PAQR5: variants seen among roughly 807,000 people sequenced by gnomAD.
The protein encoded by PAQR5 is membrane progestin receptor gamma.
In PAQR5, 20 loss-of-function variants were observed where a neutral mutation model predicts 34.5. The ratio of observed to expected loss-of-function variants is 0.58; its 90% CI spans 0.41 to 0.84. The LOEUF (loss-of-function observed/expected upper bound fraction) is 0.84. PAQR5 is among the 40% of genes least tolerant of loss of function. PAQR5 has a pLI of 0.00. For synonymous variants in PAQR5, 131 were observed against 155.6 expected (o/e 0.84, Z 1.18); for missense variants, 378 against 412.7 (o/e 0.92, Z 0.73).
intron 3 of PAQR5, among the ~76,000 whole-genome samples, chr15:69,366,929 T>C (rs1467147041): frequency 3.3e-5 from 5 of 152,170 alleles, no homozygotes; most frequent in Non-Finnish European, 7.3e-5. Context: ...TATGATTTTG[T>C]AGTGATTATC....
intron 1 of PAQR5, among the ~76,000 whole-genome samples, chr15:69,308,232 T>C (rs1159474033): frequency 6.6e-6 from 1 of 152,170 alleles, no homozygotes; most frequent in Non-Finnish European, 1.5e-5. Flanking sequence ...GCTGCATGCT[T>C]GGTTTGGGCA....
chr15:69,311,684 T>G (rs144935013), intron 1 of PAQR5, among the ~76,000 whole-genome samples: 313 of 152,294 alleles, frequency 2.1e-3, no homozygotes, highest in African/African-American at 7.1e-3. Context: ...CAACCTGCCC[T>G]GCTGTGCTTT....
chr15:69,334,831 G>A (rs2054474005), intron 1 of PAQR5, among the ~76,000 whole-genome samples: 1 of 152,190 alleles, frequency 6.6e-6, no homozygotes, highest in Non-Finnish European at 1.5e-5. Context: ...ACCCAAAAGA[G>A]TAATGGAACA....
chr15:69,396,360 C>T (rs2056433168), intron 6 of PAQR5, among the ~76,000 whole-genome samples: 2 of 151,960 alleles, frequency 1.3e-5, no homozygotes, highest in Non-Finnish European at 2.9e-5. Flanking sequence ...ACACAGACCC[C>T]ATCCCTCCAG....
intron 2 of PAQR5, among the ~76,000 whole-genome samples, chr15:69,356,074 C>G (rs574770105): frequency 1.3e-5 from 2 of 152,188 alleles, no homozygotes; most frequent in African/African-American, 4.8e-5. Context: ...ATATGGTCAT[C>G]CTACCTAAAT....
intron 3 of PAQR5, among the ~76,000 whole-genome samples, chr15:69,371,696 A>G (rs758396790): frequency 2.4e-4 from 37 of 152,150 alleles, no homozygotes; most frequent in Non-Finnish European, 1.5e-5. Flanking sequence ...TTGGAAAGTC[A>G]CCTTTATTAT....
intron 6 of PAQR5, among the ~76,000 whole-genome samples, chr15:69,393,678 G>A (rs1482969165): frequency 2.0e-5 from 3 of 152,134 alleles, no homozygotes; most frequent in African/African-American, 7.2e-5. Context: ...CCTCCAGGGA[G>A]GGGAAGACCT....
intron 1 of PAQR5, among the ~76,000 whole-genome samples, chr15:69,300,904 C>T (rs1455535329): frequency 1.0e-4 from 2 of 19,818 alleles, no homozygotes; most frequent in Non-Finnish European, 2.7e-4. Flanking sequence ...TTCCTTCCTT[C>T]CTTCCTTCCT....
rs184697967 is a variant in PAQR5, at chr15:69,377,969, A to T, written c.52-1914A>T. Among the ~76,000 whole-genome samples, 39 of 152,216 alleles carry T rather than the reference A, an allele frequency of 2.6e-4. No homozygotes were observed. The East Asian group carries it at 7.0e-3, about 27-fold the overall frequency. Reference sequence around the variant, plus strand: ...ATAGTGAGACCCTGTCTCTGCAAAAAATAAAAAATTAGGCTGGGCGTGGTA... The same window carrying T: ...ATAGTGAGACCCTGTCTCTGCAAAATATAAAAAATTAGGCTGGGCGTGGTA... On this transcript the variant is annotated intron_variant, in intron 3 of 8. Transcript: ENST00000395407.
Position 69,384,682 on chromosome 15 carries a change from TTGCA to T in PAQR5, c.188_191del (p.Ala63GlyfsTer4), listed in dbSNP as rs1164325649. On this transcript the variant is annotated frameshift_variant, in exon 5 of 9. Transcript: ENST00000395407. LOFTEE classifies it high-confidence loss of function. Reference sequence around the variant, plus strand: ...GTGAGCCCTCTGTGTTCCAGGTTCTTTGCATGGAGGTTTGTGACTGCACTGTATA... The same window carrying T: ...GTGAGCCCTCTGTGTTCCAGGTTCTTTGGAGGTTTGTGACTGCACTGTATA... 2 of 1,612,910 alleles carry T rather than the reference TTGCA, an allele frequency of 1.2e-6. No homozygotes were observed. Among genetic ancestry groups the T allele is most frequent in the East Asian group, 2.2e-5 (1 of 44,882 alleles).
chr15:69,351,007 T>C (rs1177830076), intron 2 of PAQR5, among the ~76,000 whole-genome samples: 2 of 152,304 alleles, frequency 1.3e-5, no homozygotes, highest in Non-Finnish European at 2.9e-5. Flanking sequence ...GAGGCGAGGC[T>C]CATAGAGGTG....
chr15:69,396,316 G>A (rs1953161433), intron 6 of PAQR5, among the ~76,000 whole-genome samples: 1 of 151,682 alleles, frequency 6.6e-6, no homozygotes, highest in African/African-American at 2.4e-5. Flanking sequence ...CTGGGACCGA[G>A]GTTCTTGGGA....
At chr15:69,331,255 A>G (rs980077865) in intron 1 of PAQR5, among the ~76,000 whole-genome samples, 3 of 152,048 alleles carry the variant, frequency 2.0e-5, no homozygotes, top group African/African-American at 7.2e-5. Context: ...TAACTCCACC[A>G]TGGGGTGTCT....
At chr15:69,305,263 A>G (rs2053688978) in intron 1 of PAQR5, among the ~76,000 whole-genome samples, 1 of 151,988 alleles carries the variant, frequency 6.6e-6, no homozygotes, top group South Asian at 2.1e-4. Flanking sequence ...TCTCGGGGAC[A>G]CTCCATCTCT....
chr15:69,321,906 C>T (rs1003995727), intron 1 of PAQR5, among the ~76,000 whole-genome samples: 3 of 152,132 alleles, frequency 2.0e-5, no homozygotes, highest in African/African-American at 7.2e-5. Flanking sequence ...CTGATGGAAA[C>T]CAGGACACTG....
chr15:69,315,744 C>T (rs2053930741), intron 1 of PAQR5, among the ~76,000 whole-genome samples: 1 of 152,192 alleles, frequency 6.6e-6, no homozygotes, highest in Non-Finnish European at 1.5e-5. Context: ...CCTGCTTTTT[C>T]TCCCTGGGCA....
At chr15:69,348,095 C>T (rs2054820281) in intron 2 of PAQR5, among the ~76,000 whole-genome samples, 2 of 150,986 alleles carry the variant, frequency 1.3e-5, no homozygotes, top group Admixed American at 6.6e-5. Flanking sequence ...CTCCACAGAC[C>T]TTCAGGCAAA....
intron 1 of PAQR5, among the ~76,000 whole-genome samples, chr15:69,334,202 G>A (rs1414479408): frequency 6.6e-6 from 1 of 151,912 alleles, no homozygotes; most frequent in East Asian, 1.9e-4. Context: ...TAATTTTTTT[G>A]TATTTTTAGT....
intron 6 of PAQR5, chr15:69,391,776 G>T (rs2056280655): frequency 1.8e-5 from 8 of 442,236 alleles, no homozygotes; most frequent in South Asian, 1.1e-4. Flanking sequence ...CCAGAGTGAG[G>T]CTGGGTGCAG....
Sources: allele counts gnomAD v4.1 joint callset (sites outside exome capture counted in the v4.1 genomes callset), GRCh38; gene constraint gnomAD v4.1.1; transcripts MANE v1.5; gene names NCBI Gene and HGNC (gene_info 2026-07-23, HGNC 2026-07-21).